The following EFCAB6 variants were observed in gnomAD, a reference collection of about 807,000 sequenced individuals.
The protein encoded by EFCAB6 is EF-hand calcium binding domain 6, also known as EF-hand calcium-binding domain-containing protein 6.
EFCAB6 carries 156 observed loss-of-function variants against 169.8 expected under a neutral mutation model. That is an observed-to-expected ratio of 0.92 (90% CI 0.81 to 1.05). The LOEUF is 1.05. EFCAB6 is among the 50% of genes least tolerant of loss of function. EFCAB6 has a pLI of 0.00. For missense variants in EFCAB6, 1,800 were observed against 1,829.1 expected (o/e 0.98, Z 0.29); for synonymous variants, 698 against 676.4 (o/e 1.03, Z -0.50).
At chr22:43,797,622 C>G (rs749242901) in intron 2 of EFCAB6, among the ~76,000 whole-genome samples, 10 of 152,246 alleles carry the variant, frequency 6.6e-5, no homozygotes, top group Middle Eastern at 3.4e-3. Context: ...CACATGCACA[C>G]ACACACACAC....
chr22:43,782,901 G>C (rs1165409425), intron 2 of EFCAB6, among the ~76,000 whole-genome samples: 1 of 152,086 alleles, frequency 6.6e-6, no homozygotes, highest in Non-Finnish European at 1.5e-5. Flanking sequence ...ATGCCTTGTG[G>C]CATTTTAACT....
intron 23 of EFCAB6, among the ~76,000 whole-genome samples, chr22:43,597,428 G>A (rs2052101577): frequency 6.6e-6 from 1 of 152,090 alleles, no homozygotes; most frequent in Admixed American, 6.6e-5. Flanking sequence ...TTCAAAAATG[G>A]CCAAAAGACC....
chr22:43,747,072 C>T (rs911856525), intron 6 of EFCAB6, among the ~76,000 whole-genome samples: 1 of 152,228 alleles, frequency 6.6e-6, no homozygotes, highest in Non-Finnish European at 1.5e-5. Flanking sequence ...AAAAGTTTCC[C>T]AGGCTGGGCC....
At chr22:43,720,287 G>A (rs1303273753) in intron 8 of EFCAB6, among the ~76,000 whole-genome samples, 1 of 151,832 alleles carries the variant, frequency 6.6e-6, no homozygotes, top group Non-Finnish European at 1.5e-5. Context: ...AGAGACCGAG[G>A]CAGGAAGCCA....
At chr22:43,689,213 G>T (rs956728565) in intron 10 of EFCAB6, among the ~76,000 whole-genome samples, 3 of 151,928 alleles carry the variant, frequency 2.0e-5, no homozygotes, top group Non-Finnish European at 2.9e-5. Context: ...TTTGCGGGGG[G>T]GCGCAGGGCC....
At chr22:43,584,798 TACC>T (rs1249731080) in intron 24 of EFCAB6, among the ~76,000 whole-genome samples, 1 of 152,196 alleles carries the variant, frequency 6.6e-6, no homozygotes, top group Non-Finnish European at 1.5e-5. Context: ...CCCAATATTT[TACC>T]ACCACATCAA....
At chr22:43,779,221 G>A (rs2061735007) in intron 3 of EFCAB6, among the ~76,000 whole-genome samples, 1 of 152,194 alleles carries the variant, frequency 6.6e-6, no homozygotes, top group Admixed American at 6.5e-5. Context: ...TCGTGACTAT[G>A]AACTCAGGTC....
At position 43,716,912 on chromosome 22, in the gene EFCAB6, G is replaced by C. The variant is rs747649832; in HGVS notation, c.818C>G (p.Ala273Gly). The C allele has an allele frequency of 3.1e-6, 5 of 1,591,690 alleles. No individual in the cohort carries two copies. The highest frequency in any genetic ancestry group is 4.3e-6 in the Non-Finnish European group (5 of 1,170,332). The change falls in exon 9 of 32, where the codon GCA becomes GGA. Residue 273 changes from alanine to glycine, a missense_variant. By Grantham distance (60) the Ala-to-Gly change is moderately conservative. Transcript: ENST00000262726. ...GTTTCTCCAGATATCTTCAGATGAT[G>C]CAGAACCTAGCAAACGTTCCTTTTT... ...NSKKERLLGS[A>G]SSEDIWRNYS...
chr22:43,531,052 C>A, intron 30 of EFCAB6, 88 bp from the exon 31 acceptor site: 3 of 1,560,446 alleles, frequency 1.9e-6, no homozygotes. Flanking sequence ...CCGCCTCGCC[C>A]AGCCCTGCTC....
At chr22:43,605,209 C>A (rs1458824732) in intron 22 of EFCAB6, among the ~76,000 whole-genome samples, 1 of 152,234 alleles carries the variant, frequency 6.6e-6, no homozygotes, top group African/African-American at 2.4e-5. Flanking sequence ...ACCACACAAA[C>A]TGCCCTTGCT....
At chr22:43,621,796 T>C (rs867274880) in intron 20 of EFCAB6, among the ~76,000 whole-genome samples, 6 of 152,186 alleles carry the variant, frequency 3.9e-5, no homozygotes, top group East Asian at 1.9e-4. Flanking sequence ...CTTAGCTGAA[T>C]TGATGAAGAA....
Position 43,598,330 on chromosome 22 carries a change from A to AAAT in EFCAB6, c.2876+1738_2876+1739insATT, listed in dbSNP as rs2052213826. On this transcript the variant is annotated intron_variant, in intron 23 of 31. Coordinates refer to ENST00000262726, the MANE Select transcript of EFCAB6 (RefSeq NM_022785.4). Reference sequence around the variant, plus strand: ...CTCCGGGAAAAAAAAAAAAAAAAAAAAAAAAAAAGGTTGATCTCAGACAGA... The same window carrying AAAT: ...CTCCGGGAAAAAAAAAAAAAAAAAAAAATAAAAAAAAGGTTGATCTCAGACAGA... Among the ~76,000 whole-genome samples the AAAT allele has an allele frequency of 6.0e-5, 9 of 150,316 alleles. No individual in the cohort carries two copies. The South Asian group carries it at 1.5e-3, about 25-fold the overall frequency.
chr22:43,756,655 C>T (rs1005479338), intron 5 of EFCAB6, among the ~76,000 whole-genome samples: 20 of 152,002 alleles, frequency 1.3e-4, no homozygotes, highest in Middle Eastern at 3.4e-3. Flanking sequence ...GTGACAGTGA[C>T]GAATGGGAAA....
intron 26 of EFCAB6, among the ~76,000 whole-genome samples, chr22:43,566,934 C>T (rs1440069205): frequency 6.6e-6 from 1 of 152,172 alleles, no homozygotes; most frequent in East Asian, 1.9e-4. Context: ...TGGCCATGCC[C>T]AAAGTGTGGT....
At chr22:43,699,748 G>C (rs1292890503) in intron 10 of EFCAB6, among the ~76,000 whole-genome samples, 1 of 152,078 alleles carries the variant, frequency 6.6e-6, no homozygotes, top group Non-Finnish European at 1.5e-5. Context: ...TAAACACGTG[G>C]GTTACCACGG....
intron 20 of EFCAB6, among the ~76,000 whole-genome samples, chr22:43,625,513 G>C (rs1423763455): frequency 6.6e-6 from 1 of 152,214 alleles, no homozygotes; most frequent in African/African-American, 2.4e-5. Context: ...CTGTTGGATG[G>C]GGTTGGATGG....
At position 43,697,598 on chromosome 22, in the gene EFCAB6, G is replaced by T. The variant is rs74354409; in HGVS notation, c.1032-10017C>A. Among the ~76,000 whole-genome samples the T allele has an allele frequency of 5.2e-3, 786 of 152,042 alleles. 1 individual carries two copies. Among genetic ancestry groups the T allele is most frequent in the African/African-American group, 0.018 (759 of 41,452 alleles). ...AATTTTCAAAAATAAAAAATCAGCA[G>T]GTAATTTTGCTAAAAAACACATGAA... On this transcript the variant is annotated intron_variant, in intron 10 of 31. Transcript: ENST00000262726.
At chr22:43,593,231 G>A (rs1365164279) in intron 23 of EFCAB6, among the ~76,000 whole-genome samples, 1 of 152,242 alleles carries the variant, frequency 6.6e-6, no homozygotes, top group African/African-American at 2.4e-5. Flanking sequence ...TTTACTAAGA[G>A]AGCATGGGTG....
Position 43,718,788 on chromosome 22 carries a change from G to GTAA in EFCAB6, c.758-1819_758-1817dup, listed in dbSNP as rs1197037838. Among the ~76,000 whole-genome samples, 7 of 152,066 alleles carry GTAA rather than the reference G, an allele frequency of 4.6e-5. No homozygotes were observed. The East Asian group carries it at 9.7e-4, about 21-fold the overall frequency. Reference sequence around the variant, plus strand: ...GAGAGAGGCTCCACCTCAAATAACCGTAATAATAATAATAATATCAACAAA... The same window carrying GTAA: ...GAGAGAGGCTCCACCTCAAATAACCGTAATAATAATAATAATAATATCAACAAA... On this transcript the variant is annotated intron_variant, in intron 8 of 31. Transcript: ENST00000262726.
Sources: gnomAD v4.1 joint callset for allele counts (sites outside exome capture counted in the v4.1 genomes callset) on GRCh38, gnomAD v4.1.1 for gene constraint, MANE v1.5 for transcripts, NCBI Gene and HGNC (gene_info 2026-07-23, HGNC 2026-07-21) for gene names.